The following MAD1L1 variants were observed in gnomAD, a reference collection of about 807,000 sequenced individuals.
MAD1L1 encodes mitotic spindle assembly checkpoint protein MAD1.
MAD1L1 carries 95 observed loss-of-function variants against 96.9 expected under a neutral mutation model. The ratio of observed to expected loss-of-function variants is 0.98; its 90% CI spans 0.83 to 1.16. The LOEUF (loss-of-function observed/expected upper bound fraction) is 1.16. Ranked by LOEUF, MAD1L1 falls within the 50% of genes most tolerant of loss-of-function variation. The probability of loss-of-function intolerance (pLI) is 0.00; values close to 1 mark genes in which losing one functional copy is unlikely to be tolerated. For missense variants in MAD1L1, 1,007 were observed against 954.4 expected (o/e 1.06, Z -0.73); for synonymous variants, 473 against 396.6 (o/e 1.19, Z -2.29).
chr7:2,227,395 G>A (rs960868185), intron 3 of MAD1L1, among the ~76,000 whole-genome samples: 1 of 152,134 alleles, frequency 6.6e-6, no homozygotes, highest in Non-Finnish European at 1.5e-5. Context: ...GTTCCCAGTG[G>A]GGTCCAGTTT....
intron 3 of MAD1L1, among the ~76,000 whole-genome samples, chr7:2,228,024 GGAGA>G (rs139991383): frequency 3.8e-5 from 4 of 106,420 alleles, no homozygotes; most frequent in Admixed American, 1.1e-4. Flanking sequence ...GGGCTCAGCA[GGAGA>G]GAGAGAACCA....
chr7:1,969,049 A>G (rs569588775), intron 15 of MAD1L1, among the ~76,000 whole-genome samples: 1 of 152,154 alleles, frequency 6.6e-6, no homozygotes, highest in Non-Finnish European at 1.5e-5. Flanking sequence ...CAACTTGCCT[A>G]TTGAATCTGG....
Position 2,146,468 on chromosome 7 carries a change from C to T in MAD1L1, c.1073+2684G>A, listed in dbSNP as rs530370879. Among the ~76,000 whole-genome samples the T allele has an allele frequency of 1.3e-5, 2 of 152,250 alleles. No individual in the cohort carries two copies. Among genetic ancestry groups the T allele is most frequent in the East Asian group, 1.9e-4 (1 of 5,202 alleles). On this transcript the variant is annotated intron_variant, in intron 11 of 18. Coordinates refer to ENST00000265854, the MANE Select transcript of MAD1L1 (RefSeq NM_001013836.2). This position sits in a 1 kb window ranked among gnomAD's most constrained non-coding sequence, Gnocchi z 6.2. ...GAAGCTCCTCAGATGGCGAGAACAG[C>T]GTTCACTACCAGGGAAAGATGGACA... is the stretch of plus-strand genomic sequence containing the variant.
rs764108450 is a variant in MAD1L1, at chr7:2,216,303, G to A, written c.679-16C>T. 1.2e-6 allele frequency: 2 copies of A among 1,609,692 alleles called. No individual in the cohort carries two copies. Among genetic ancestry groups the A allele is most frequent in the Non-Finnish European group, 1.7e-6 (2 of 1,178,858 alleles). Reference sequence around the variant, plus strand: ...GCTCCAGATCCTGATGGAGGCCAGGGACAGAGAAGAAGGGAAAAATGAGCC... The same window carrying A: ...GCTCCAGATCCTGATGGAGGCCAGGAACAGAGAAGAAGGGAAAAATGAGCC... On this transcript the variant is annotated splice_polypyrimidine_tract_variant and intron_variant, in intron 7 of 18. Coordinates refer to ENST00000265854, the MANE Select transcript of MAD1L1 (RefSeq NM_001013836.2).
At chr7:2,074,902 CG>C (rs1785303460) in intron 11 of MAD1L1, among the ~76,000 whole-genome samples, 1 of 152,130 alleles carries the variant, frequency 6.6e-6, no homozygotes, top group African/African-American at 2.4e-5. Context: ...GTGTCAGAGC[CG>C]GGGACGCTTC....
At chr7:1,955,093 A>T (rs1197059811) in intron 16 of MAD1L1, among the ~76,000 whole-genome samples, 1 of 152,216 alleles carries the variant, frequency 6.6e-6, no homozygotes, top group Non-Finnish European at 1.5e-5. Context: ...CTAAGGGGTA[A>T]CTGAAATTCT....
intron 18 of MAD1L1, among the ~76,000 whole-genome samples, chr7:1,892,294 T>A (rs1786595786): frequency 6.6e-6 from 1 of 152,058 alleles, no homozygotes; most frequent in African/African-American, 2.4e-5. Flanking sequence ...TCTAGGAAGT[T>A]CCCGCAAAGA....
At chr7:2,110,239 C>T (rs1787308861) in intron 11 of MAD1L1, among the ~76,000 whole-genome samples, 1 of 152,234 alleles carries the variant, frequency 6.6e-6, no homozygotes, top group South Asian at 2.1e-4. Context: ...ATGGCAGCAC[C>T]GCAAAGATTC....
intron 3 of MAD1L1, 55 bp downstream of exon 3, chr7:2,229,929 G>A: frequency 1.3e-6 from 2 of 1,581,676 alleles, no homozygotes; most frequent in Non-Finnish European, 1.7e-6. Flanking sequence ...AAGAGGTCCT[G>A]CCCGGGCCCA....
At chr7:2,013,357 C>A (rs528050177) in intron 13 of MAD1L1, among the ~76,000 whole-genome samples, 1 of 152,380 alleles carries the variant, frequency 6.6e-6, no homozygotes, top group East Asian at 1.9e-4. Context: ...CCAGCCCAGA[C>A]ACAGTGACCC....
At chr7:2,190,686 TA>T (rs2128606400) in intron 10 of MAD1L1, among the ~76,000 whole-genome samples, 1 of 152,254 alleles carries the variant, frequency 6.6e-6, no homozygotes, top group Non-Finnish European at 1.5e-5. Context: ...GCCGTCAAGT[TA>T]AGTACATGAG....
At chr7:1,862,148 C>T (rs1002980045) in intron 18 of MAD1L1, among the ~76,000 whole-genome samples, 7 of 152,202 alleles carry the variant, frequency 4.6e-5, no homozygotes, top group Non-Finnish European at 1.5e-5. Context: ...CTGGGGCGTC[C>T]CCAAGAGCGG....
Position 2,230,029 on chromosome 7 carries a change from G to A in MAD1L1, c.105C>T (p.Thr35=). ...GCATCTGCAGAGAACCTGGGGCCGA[G>A]GTAGAAATATCCAGTCCAGAGCCTC... ...VEGGSGLDIS[T]SAPGSLQMQY... The change falls in exon 3 of 19, where the codon ACC becomes ACT. Residue 35 remains threonine, a synonymous_variant. Transcript: ENST00000265854. The A allele has an allele frequency of 6.2e-7, 1 of 1,613,756 alleles. No homozygotes were observed. The highest frequency in any genetic ancestry group is 1.7e-5 in the Admixed American group (1 of 60,020).
At chr7:2,027,455 T>G (rs1783040542) in intron 12 of MAD1L1, among the ~76,000 whole-genome samples, 1 of 152,152 alleles carries the variant, frequency 6.6e-6, no homozygotes, top group Admixed American at 6.6e-5. Context: ...AATCCCTAAT[T>G]AACGTACTGG....
intron 11 of MAD1L1, among the ~76,000 whole-genome samples, chr7:2,115,549 C>T (rs1436598354): frequency 4.1e-5 from 6 of 146,428 alleles, no homozygotes; most frequent in African/African-American, 1.0e-4. Context: ...TCAGAGGAGG[C>T]GCTGGACAGG....
chr7:2,178,476 G>A (rs1168528712), intron 10 of MAD1L1, among the ~76,000 whole-genome samples: 1 of 152,228 alleles, frequency 6.6e-6, no homozygotes, highest in African/African-American at 2.4e-5. Flanking sequence ...AGATGGTTAA[G>A]ACCACTTGCT....
chr7:1,976,589 C>A (rs915442776), intron 15 of MAD1L1, among the ~76,000 whole-genome samples: 1 of 152,220 alleles, frequency 6.6e-6, no homozygotes, highest in African/African-American at 2.4e-5. Flanking sequence ...GAACAAAGCT[C>A]CCACAGCGTG....
intron 10 of MAD1L1, among the ~76,000 whole-genome samples, chr7:2,181,351 T>C (rs1306051346): frequency 6.6e-6 from 1 of 152,268 alleles, no homozygotes; most frequent in East Asian, 1.9e-4. Flanking sequence ...TCTGTAATGT[T>C]TGTGTCTCTG....
intron 18 of MAD1L1, among the ~76,000 whole-genome samples, chr7:1,837,521 A>AC (rs1782998009): frequency 6.6e-6 from 1 of 152,254 alleles, no homozygotes; most frequent in Non-Finnish European, 1.5e-5. Context: ...TTTATTTGCA[A>AC]CAGCCCCAAG....
Sources: gnomAD v4.1 joint callset for allele counts (sites outside exome capture counted in the v4.1 genomes callset) on GRCh38, gnomAD v4.1.1 for gene constraint, Gnocchi (gnomAD v3.1) non-coding constraint, MANE v1.5 for transcripts, NCBI Gene and HGNC (gene_info 2026-07-23, HGNC 2026-07-21) for gene names.